The following ACTMAP variants were observed in gnomAD, a reference collection of about 807,000 sequenced individuals.
ACTMAP encodes the protein UPF0692 protein C19orf54.
chr19:40,749,302 C>G, the ACTMAP span, among the ~76,000 whole-genome samples: 1 of 152,036 alleles, frequency 6.6e-6, no homozygotes, highest in Non-Finnish European at 1.5e-5. Flanking sequence ...GGACTGGGCA[C>G]TTGTGAGGAC....
the ACTMAP span, chr19:40,749,954 C>A: frequency 1.7e-6 from 1 of 584,790 alleles, no homozygotes; most frequent in Non-Finnish European, 2.8e-6. Flanking sequence ...AGGACCAGGG[C>A]TAATATTTGA....
At chr19:40,748,982 CTCTTT>C in the ACTMAP span, among the ~76,000 whole-genome samples, 3 of 144,970 alleles carry the variant, frequency 2.1e-5, no homozygotes, top group Non-Finnish European at 4.5e-5. Context: ...TGGGCATTTG[CTCTTT>C]TTTTTTTTTT....
At chr19:40,743,213 T>G in the ACTMAP span, among the ~76,000 whole-genome samples, 1 of 147,856 alleles carries the variant, frequency 6.8e-6, no homozygotes, top group Non-Finnish European at 1.5e-5. Flanking sequence ...CAGAGACATG[T>G]CACACGCCAA....
chr19:40,744,199 G>A, the ACTMAP span: 1 of 1,567,462 alleles, frequency 6.4e-7, no homozygotes, highest in South Asian at 1.2e-5. Context: ...ATCGGCCACT[G>A]CAGGGTGAGA....
At chr19:40,749,842 G>A in the ACTMAP span, 16 of 1,334,484 alleles carry the variant, frequency 1.2e-5, no homozygotes, top group East Asian at 2.8e-5. Context: ...TTCAGAAAGC[G>A]GGGAGGGAAG....
chr19:40,743,946 C>G, the ACTMAP span: 1 of 1,614,056 alleles, frequency 6.2e-7, no homozygotes, highest in Non-Finnish European at 8.5e-7. Flanking sequence ...CTTCCTCTGA[C>G]ACGGCTCATG....
At chr19:40,747,634 C>T in the ACTMAP span, among the ~76,000 whole-genome samples, 2 of 152,062 alleles carry the variant, frequency 1.3e-5, no homozygotes, top group African/African-American at 2.4e-5. Context: ...ACAAGAAGAT[C>T]GCTTGGGCCC....
chr19:40,744,819 C>A, the ACTMAP span: 1 of 1,332,066 alleles, frequency 7.5e-7, no homozygotes, highest in Non-Finnish European at 1.0e-6. Flanking sequence ...ACCTGACTCC[C>A]CTTCAGGGGA....
the ACTMAP span, chr19:40,750,158 T>A: frequency 3.3e-4 from 62 of 190,212 alleles, no homozygotes; most frequent in Non-Finnish European, 5.9e-4. Context: ...GTTTGGGATA[T>A]GAAGGCTCAG....
At chr19:40,741,798 G>A in the ACTMAP span, 1 of 456,602 alleles carries the variant, frequency 2.2e-6, no homozygotes, top group Non-Finnish European at 4.4e-6. Flanking sequence ...CCCTTACAGG[G>A]TTGCCAGATC....
chr19:40,748,984 CTTTTTTTTTT>C, the ACTMAP span, among the ~76,000 whole-genome samples: 2 of 102,528 alleles, frequency 2.0e-5, no homozygotes, highest in Non-Finnish European at 3.8e-5. Flanking sequence ...GGCATTTGCT[CTTTTTTTTTT>C]TTTTTTTTTT....
the ACTMAP span, chr19:40,749,971 G>A: frequency 3.8e-6 from 2 of 526,244 alleles, no homozygotes. Flanking sequence ...TTGAAACCAC[G>A]GGAGCAGGAA....
the ACTMAP span, among the ~76,000 whole-genome samples, chr19:40,745,667 TTC>T: frequency 6.6e-6 from 1 of 151,930 alleles, no homozygotes; most frequent in Non-Finnish European, 1.5e-5. Context: ...GTCCAGCTAG[TTC>T]TTTTTATTTT....
chr19:40,744,226 T>G, the ACTMAP span: 16 of 1,526,280 alleles, frequency 1.0e-5, no homozygotes, highest in Non-Finnish European at 1.4e-5. Flanking sequence ...AGAGGGGGCT[T>G]GCTGCATGTG....
chr19:40,749,615 A>C, the ACTMAP span: 1 of 1,550,398 alleles, frequency 6.4e-7, no homozygotes, highest in East Asian at 2.4e-5. Context: ...GCCCTGTGGC[A>C]GCGGGTGGAG....
the ACTMAP span, among the ~76,000 whole-genome samples, chr19:40,747,264 C>T: frequency 6.6e-6 from 1 of 151,916 alleles, no homozygotes; most frequent in Non-Finnish European, 1.5e-5. Flanking sequence ...AGGCCGGGTG[C>T]AGCAGCTCAC....
the ACTMAP span, chr19:40,741,750 A>G: frequency 2.2e-6 from 1 of 456,696 alleles, no homozygotes; most frequent in Non-Finnish European, 4.4e-6. Flanking sequence ...TCCAGGCCTC[A>G]GTCTTGCCAT....
chr19:40,745,725 T>G, the ACTMAP span, among the ~76,000 whole-genome samples: 1 of 152,126 alleles, frequency 6.6e-6, no homozygotes, highest in Non-Finnish European at 1.5e-5. Context: ...CATACTGGAG[T>G]GCAACAGCGC....
the ACTMAP span, chr19:40,742,890 C>T: frequency 1.1e-4 from 111 of 992,756 alleles, no homozygotes; most frequent in East Asian, 2.4e-4. Flanking sequence ...TCCTAGGTTA[C>T]GGTGACGTTA....
Sources: gnomAD v4.1 joint callset for allele counts (sites outside exome capture counted in the v4.1 genomes callset) on GRCh38, gnomAD v4.1.1 for gene constraint, MANE v1.5 for transcripts, NCBI Gene and HGNC (gene_info 2026-07-23, HGNC 2026-07-21) for gene names.